Variants in CCNY observed in about 807,000 individuals in gnomAD.
The protein encoded by CCNY is cyclin Y.
Under a neutral mutation model 42.8 loss-of-function variants are expected in CCNY, and 19 were observed. The observed-to-expected ratio is 0.44, with a 90% CI of 0.31 to 0.65. CCNY has a LOEUF of 0.65. Among genes scored for constraint, CCNY ranks in the 30% least tolerant of loss-of-function variants. The probability of loss-of-function intolerance (pLI) is 0.07; values close to 1 mark genes in which losing one functional copy is unlikely to be tolerated. For synonymous variants in CCNY, 165 were observed against 162.7 expected, an observed-to-expected ratio of 1.01 and a Z score of -0.11; for missense variants, 370 against 437.3, an observed-to-expected ratio of 0.85 and a Z score of 1.37.
At chr10:35,554,811 A>T (rs1841330624) in intron 8 of CCNY, among the ~76,000 whole-genome samples, 1 of 152,230 alleles carries the variant, frequency 6.6e-6, no homozygotes, top group Non-Finnish European at 1.5e-5. Context: ...TTCCAAAAGG[A>T]AGTGAGAGAC....
Position 35,530,835 on chromosome 10 carries a change from G to T in CCNY, c.579+592G>T, listed in dbSNP as rs1461803485. On this transcript the variant is annotated intron_variant, in intron 7 of 9. Coordinates refer to ENST00000374704, the MANE Select transcript of CCNY (RefSeq NM_145012.6). This position sits in a 1 kb window ranked among gnomAD's most constrained non-coding sequence, Gnocchi z 4.3. The stretch of plus-strand genomic sequence containing the variant: ...GTCAGTAATTTCAGCACTTTGGGAG[G>T]TCAAGGTGGGAGGATCACTTGAGCC... 1.3e-5 allele frequency among the ~76,000 whole-genome samples: 2 copies of T among 152,158 alleles called. No individual in the cohort carries two copies. The highest frequency in any genetic ancestry group is 2.9e-5 in the Non-Finnish European group (2 of 68,022).
At chr10:35,563,937 C>T (rs1031618328) in intron 8 of CCNY, among the ~76,000 whole-genome samples, 16 of 149,434 alleles carry the variant, frequency 1.1e-4, no homozygotes, top group African/African-American at 1.5e-4. Flanking sequence ...AGTGCAATGG[C>T]GCAATCTTGG....
At chr10:35,501,710 T>A in intron 3 of CCNY, 175 bp downstream of exon 3, 1 of 581,744 alleles carries the variant, frequency 1.7e-6, no homozygotes, top group Non-Finnish European at 3.1e-6. Flanking sequence ...TCAGTATTTG[T>A]CCACTGTCCC....
intron 1 of CCNY, among the ~76,000 whole-genome samples, chr10:35,480,893 G>C (rs1171012912): frequency 6.6e-6 from 1 of 152,132 alleles, no homozygotes; most frequent in African/African-American, 2.4e-5. Context: ...TTGAATCCAA[G>C]AAATTGAGGC....
chr10:35,291,980 T>C (rs1835419197), intron 3 of CCNY, among the ~76,000 whole-genome samples: 1 of 152,226 alleles, frequency 6.6e-6, no homozygotes, highest in African/African-American at 2.4e-5. Flanking sequence ...TGCAACATGT[T>C]ACATTCCCAC....
At chr10:35,546,894 G>C (rs568550523) in intron 7 of CCNY, among the ~76,000 whole-genome samples, 2 of 152,262 alleles carry the variant, frequency 1.3e-5, no homozygotes, top group Non-Finnish European at 2.9e-5. Flanking sequence ...TGACCTCTGC[G>C]GAGAGCTTGG....
chr10:35,451,798 C>G (rs1036859194), intron 1 of CCNY, among the ~76,000 whole-genome samples: 2 of 152,164 alleles, frequency 1.3e-5, no homozygotes, highest in Non-Finnish European at 2.9e-5. Context: ...CAGGTCATTA[C>G]CACCTCACCT....
chr10:35,374,784 A>G (rs1426706667), intron 1 of CCNY, among the ~76,000 whole-genome samples: 1 of 152,234 alleles, frequency 6.6e-6, no homozygotes, highest in East Asian at 1.9e-4. Context: ...TGTTAAAGAT[A>G]GTGGGAAAAA....
intron 7 of CCNY, among the ~76,000 whole-genome samples, chr10:35,544,238 A>T (rs1347217648): frequency 2.0e-5 from 3 of 152,198 alleles, no homozygotes; most frequent in Non-Finnish European, 2.9e-5. Context: ...CCAGTCCTGC[A>T]GGCTCCATTT....
At chr10:35,275,056 CTTTTTTTTTTTTT>C (rs34467762) in intron 3 of CCNY, among the ~76,000 whole-genome samples, 3 of 64,884 alleles carry the variant, frequency 4.6e-5, no homozygotes, top group Non-Finnish European at 7.9e-5. Flanking sequence ...ACCGTCATTC[CTTTTTTTTTTTTT>C]TTTTTTTTTT....
chr10:35,296,741 C>T (rs1835476243), intron 3 of CCNY, among the ~76,000 whole-genome samples: 1 of 152,092 alleles, frequency 6.6e-6, no homozygotes, highest in Non-Finnish European at 1.5e-5. Context: ...TACCACCTCC[C>T]AAGATTGAAC....
chr10:35,435,839 G>C (rs1332804330), intron 1 of CCNY, among the ~76,000 whole-genome samples: 1 of 152,162 alleles, frequency 6.6e-6, no homozygotes, highest in Non-Finnish European at 1.5e-5. Context: ...AGAATTAAAT[G>C]GGAGAACATC....
At chr10:35,482,047 G>A (rs1185380612) in intron 1 of CCNY, among the ~76,000 whole-genome samples, 2 of 152,180 alleles carry the variant, frequency 1.3e-5, no homozygotes, top group Non-Finnish European at 2.9e-5. Flanking sequence ...TTCAATAGAT[G>A]TTTCTTTAAT....
rs1403521132 is a variant in CCNY, at chr10:35,307,798, G to GTA, written c.-9+57173_-9+57174insAT. On this transcript the variant is annotated intron_variant, in intron 3 of 11. Transcript: ENST00000374706. The stretch of plus-strand genomic sequence containing the variant: ...TGTGTGTGTGTGTGTGTGTGTGTGT[G>GTA]TGTATATATATATATATATATTTTT... Among the ~76,000 whole-genome samples the GTA allele has an allele frequency of 7.3e-4, 38 of 52,110 alleles. 1 individual carries two copies. Among genetic ancestry groups the GTA allele is most frequent in the African/African-American group, 3.7e-3 (31 of 8,428 alleles). The allele number at this position is 52,110 out of a possible 152,430, so 34.2% of individuals were successfully genotyped here. A position where few individuals can be genotyped will look rare whatever the true frequency, so the allele number is the denominator to read the frequency against.
At chr10:35,490,771 G>A (rs564481178) in intron 2 of CCNY, among the ~76,000 whole-genome samples, 4 of 152,354 alleles carry the variant, frequency 2.6e-5, no homozygotes, top group Admixed American at 1.3e-4. Flanking sequence ...CACAACCCCA[G>A]TGGCTGCTTG....
chr10:35,479,513 A>G (rs1839609402), intron 1 of CCNY, among the ~76,000 whole-genome samples: 2 of 144,620 alleles, frequency 1.4e-5, no homozygotes, highest in Non-Finnish European at 3.0e-5. Context: ...AGAACAAAAA[A>G]CCAAACACCG....
At chr10:35,342,257 A>G (rs1272092499) in intron 1 of CCNY, among the ~76,000 whole-genome samples, 2 of 152,208 alleles carry the variant, frequency 1.3e-5, no homozygotes, top group Non-Finnish European at 2.9e-5. Context: ...TCTATTTAAC[A>G]TCACCTCTGC....
chr10:35,458,585 G>A (rs536213476), intron 1 of CCNY, among the ~76,000 whole-genome samples: 4 of 152,158 alleles, frequency 2.6e-5, no homozygotes, highest in Non-Finnish European at 4.4e-5. Context: ...CAAAGGAGAC[G>A]GTCCCTTTCC....
chr10:35,540,918 G>A (rs1840986328), intron 7 of CCNY, among the ~76,000 whole-genome samples: 1 of 151,888 alleles, frequency 6.6e-6, no homozygotes, highest in South Asian at 2.1e-4. Flanking sequence ...TTCTTGGTTG[G>A]TCTACCTTCA....
Sources: allele counts gnomAD v4.1 joint callset (sites outside exome capture counted in the v4.1 genomes callset), GRCh38; gene constraint gnomAD v4.1.1; non-coding constraint Gnocchi (gnomAD v3.1); transcripts MANE v1.5; gene names NCBI Gene and HGNC (gene_info 2026-07-23, HGNC 2026-07-21).